Variants in DYNC2LI1 observed in about 807,000 individuals in gnomAD.
The protein encoded by DYNC2LI1 is cytoplasmic dynein 2 light intermediate chain 1.
DYNC2LI1 carries 45 observed loss-of-function variants against 51.9 expected under a neutral mutation model. The observed-to-expected ratio is 0.87, with a 90% CI of 0.68 to 1.11. The LOEUF is 1.11. Ranked by LOEUF, DYNC2LI1 falls within the 50% of genes most tolerant of loss-of-function variation. The pLI, the probability that DYNC2LI1 is intolerant of heterozygous loss-of-function variation, is 0.00. For missense variants in DYNC2LI1, 490 were observed against 417.4 expected (o/e 1.17, Z -1.51); for synonymous variants, 130 against 137.8 (o/e 0.94, Z 0.40).
chr2:43,780,639 A>C (rs1673233162), intron 2 of DYNC2LI1, among the ~76,000 whole-genome samples: 2 of 152,158 alleles, frequency 1.3e-5, no homozygotes, highest in Admixed American at 1.3e-4. Context: ...TATTCTGAAA[A>C]GGCTGAGATA....
chr2:43,810,774 A>G (rs1435692849), downstream of DYNC2LI1, among the ~76,000 whole-genome samples: 1 of 152,196 alleles, frequency 6.6e-6, no homozygotes, highest in African/African-American at 2.4e-5. Flanking sequence ...TCTTTAGCAC[A>G]CGTTTCTTGC....
chr2:43,810,440 C>A (rs1244322607), downstream of DYNC2LI1: 4 of 985,220 alleles, frequency 4.1e-6, no homozygotes, highest in East Asian at 4.5e-4. Context: ...TTGCGGATAA[C>A]CAGGATTATT....
Position 43,788,139 on chromosome 2 carries a change from C to T in DYNC2LI1, c.231+889C>T, listed in dbSNP as rs187247808. Among the ~76,000 whole-genome samples the T allele has an allele frequency of 3.1e-3, 475 of 152,308 alleles. 1 individual carries two copies. The highest frequency in any genetic ancestry group is 0.01 in the African/African-American group (424 of 41,550). On this transcript the variant is annotated intron_variant, in intron 4 of 12. Transcript: ENST00000260605. The stretch of plus-strand genomic sequence containing the variant: ...CTTTTCATTGGAAACTTTGAGACAG[C>T]TCTCATAAGCTTAACTTTTGAGAAG...
At chr2:43,824,571 A>G in the DYNC2LI1 span, 2 of 1,560,408 alleles carry the variant, frequency 1.3e-6, no homozygotes, top group East Asian at 4.6e-5. Context: ...CCACCTATAA[A>G]ATCAGAATAC....
chr2:43,780,926 CAG>C (rs200542793), intron 2 of DYNC2LI1, among the ~76,000 whole-genome samples: 62 of 152,234 alleles, frequency 4.1e-4, no homozygotes, highest in African/African-American at 1.4e-3. Context: ...GCCACATGCT[CAG>C]GGGACCAGAG....
chr2:43,823,901 G>A, the DYNC2LI1 span: 9 of 1,613,042 alleles, frequency 5.6e-6, no homozygotes, highest in East Asian at 4.5e-5. Flanking sequence ...CCTCCAGCAC[G>A]TGGGCACTTA....
At chr2:43,775,692 C>CT (rs540756527) in intron 1 of DYNC2LI1, 44,732 of 317,832 alleles carry the variant, frequency 0.14, 904 homozygotes, top group South Asian at 0.2. Context: ...TTTTTATTTT[C>CT]TTTTTTTTTT....
chr2:43,818,748 C>G, the DYNC2LI1 span, among the ~76,000 whole-genome samples: 2 of 152,154 alleles, frequency 1.3e-5, no homozygotes, highest in African/African-American at 4.8e-5. Flanking sequence ...TTTATCAAAG[C>G]CTAATTCACT....
intron 8 of DYNC2LI1, among the ~76,000 whole-genome samples, chr2:43,799,513 G>A (rs1362004337): frequency 6.6e-6 from 1 of 152,130 alleles, no homozygotes; most frequent in Non-Finnish European, 1.5e-5. Flanking sequence ...GCTATTCTAA[G>A]GTCCAGAAAA....
Position 43,790,610 on chromosome 2 carries a change from G to A in DYNC2LI1, c.320+889G>A, listed in dbSNP as rs3792016. On this transcript the variant is annotated intron_variant, in intron 5 of 12. Coordinates refer to ENST00000260605, the MANE Select transcript of DYNC2LI1 (RefSeq NM_016008.4). ...CACTTATTAGAAAAGTAATATATGC[G>A]CTTACAGAAAACTTGTAAAAATACT... Among the ~76,000 whole-genome samples the A allele has an allele frequency of 5.3e-5, 8 of 151,276 alleles. No individual in the cohort carries two copies. The East Asian group carries it at 1.2e-3, about 22-fold the overall frequency.
downstream of DYNC2LI1, among the ~76,000 whole-genome samples, chr2:43,811,968 A>G (rs142049487): frequency 3.9e-3 from 600 of 152,300 alleles, 5 homozygotes; most frequent in African/African-American, 0.014. Flanking sequence ...GTATTTATAC[A>G]TATCAGCACC....
chr2:43,776,641 G>A (rs1416140547), intron 1 of DYNC2LI1, 141 bp from the exon 2 acceptor site: 2 of 541,338 alleles, frequency 3.7e-6, no homozygotes, highest in East Asian at 3.1e-5. Context: ...ATCCTCAGAT[G>A]TTTTACCAGA....
chr2:43,774,212 G>C, intron 1 of DYNC2LI1, 66 bp downstream of exon 1: 2 of 1,600,922 alleles, frequency 1.2e-6, no homozygotes, highest in South Asian at 2.3e-5. Context: ...AGGAAGCCCA[G>C]GCGGGACCAG....
At chr2:43,813,202 A>G (rs150401285), downstream of DYNC2LI1, 1,202 of 1,605,610 alleles carry the variant, frequency 7.5e-4, no homozygotes, top group Non-Finnish European at 9.6e-4. Flanking sequence ...AAAATCAGAA[A>G]GTTCATTGTG....
At position 43,789,615 on chromosome 2, in the gene DYNC2LI1, A is replaced by G. The variant is rs1673684950; in HGVS notation, c.232-18A>G. On this transcript the variant is annotated intron_variant, in intron 4 of 12. Transcript: ENST00000260605. The stretch of plus-strand genomic sequence containing the variant: ...GAAGTACTTAAACTTCAAAAAATCA[A>G]AAATTTTTGTTTTTCAGCCAAAAGA... 6.2e-7 allele frequency: 1 copy of G among 1,611,210 alleles called. No individual in the cohort carries two copies. The highest frequency in any genetic ancestry group is 1.7e-5 in the Admixed American group (1 of 59,518).
At chr2:43,825,408 G>C in the DYNC2LI1 span, among the ~76,000 whole-genome samples, 86 of 152,088 alleles carry the variant, frequency 5.7e-4, no homozygotes, top group Non-Finnish European at 1.1e-3. Context: ...TTAAATCTCA[G>C]CTCCTCCTCT....
chr2:43,797,920 G>A (rs1665938811), intron 8 of DYNC2LI1, among the ~76,000 whole-genome samples: 2 of 152,096 alleles, frequency 1.3e-5, no homozygotes, highest in Admixed American at 6.5e-5. Context: ...GAGCTCAGGA[G>A]TTTCAGACCA....
downstream of DYNC2LI1, chr2:43,814,373 G>A: frequency 3.9e-6 from 3 of 762,996 alleles, no homozygotes; most frequent in Non-Finnish European, 6.7e-6. Flanking sequence ...GTTTTAAATT[G>A]AATTATTATA....
downstream of DYNC2LI1, among the ~76,000 whole-genome samples, chr2:43,810,701 C>T (rs1335061380): frequency 6.6e-6 from 1 of 152,176 alleles, no homozygotes; most frequent in Non-Finnish European, 1.5e-5. Context: ...AAATTATTTG[C>T]AGTACGTATG....
Sources: allele counts gnomAD v4.1 joint callset (sites outside exome capture counted in the v4.1 genomes callset), GRCh38; gene constraint gnomAD v4.1.1; transcripts MANE v1.5; gene names NCBI Gene and HGNC (gene_info 2026-07-23, HGNC 2026-07-21).